The following AGBL1 variants were observed in gnomAD, a reference collection of about 807,000 sequenced individuals.
AGBL1 encodes AGBL carboxypeptidase 1, also known as cytosolic carboxypeptidase 4.
In AGBL1, 130 loss-of-function variants were observed where a neutral mutation model predicts 118.9. That is an observed-to-expected ratio of 1.09 (90% CI 0.95 to 1.26). The LOEUF (loss-of-function observed/expected upper bound fraction) is 1.26. AGBL1 is among the 50% of genes most tolerant of loss of function. The probability of loss-of-function intolerance (pLI) is 0.00; values close to 1 mark genes in which losing one functional copy is unlikely to be tolerated. For synonymous variants in AGBL1, 555 were observed against 478.9 expected, an observed-to-expected ratio of 1.16 and a Z score of -2.08; for missense variants, 1,584 against 1,298.1, an observed-to-expected ratio of 1.22 and a Z score of -3.38.
At chr15:86,106,720 C>G (rs1203013014) in intron 1 of AGBL1, among the ~76,000 whole-genome samples, 1 of 152,206 alleles carries the variant, frequency 6.6e-6, no homozygotes, top group East Asian at 1.9e-4. Context: ...TGGGCTGAAA[C>G]TTAAAATGGC....
At chr15:86,771,990 G>C (rs1052373144) in intron 22 of AGBL1, among the ~76,000 whole-genome samples, 8 of 151,900 alleles carry the variant, frequency 5.3e-5, no homozygotes, top group Non-Finnish European at 8.8e-5. Context: ...GCCTGAGAGG[G>C]GCAGAATGTA....
chr15:86,609,280 A>G (rs17626189), intron 21 of AGBL1, among the ~76,000 whole-genome samples: 56,491 of 151,920 alleles, frequency 0.37, 11,105 homozygotes, highest in Middle Eastern at 0.46. Context: ...CACACAAGAA[A>G]ATCAGAAAGG....
chr15:86,595,622 A>G (rs1268940466), intron 21 of AGBL1, among the ~76,000 whole-genome samples: 1 of 151,992 alleles, frequency 6.6e-6, no homozygotes, highest in Non-Finnish European at 1.5e-5. Flanking sequence ...AGGGACCATC[A>G]CCTCTTTCTT....
chr15:86,397,457 C>A lies in AGBL1; in HGVS notation c.2466C>A (p.Val822=), dbSNP rs1329411965. The A allele has an allele frequency of 3.7e-6, 6 of 1,613,140 alleles. No individual in the cohort carries two copies. The highest frequency in any genetic ancestry group is 5.1e-6 in the Non-Finnish European group (6 of 1,179,392). Residue 822 remains valine, a synonymous_variant, in exon 18 of 23, where the codon GTC becomes GTA. Transcript: ENST00000614907. ...TGAAGGGTACCTTGGAGTTCCTGGT[C>A]AGCAGTGACCCTGTGGCTAGGCTCT... ...WVMKGTLEFL[V]SSDPVARLLR... is the part of the protein sequence containing the mutation.
rs765286734 is a variant in AGBL1, at chr15:86,257,155, T to C, written c.901+137T>C. The C allele has an allele frequency of 7.3e-5, 74 of 1,008,238 alleles. No homozygotes were observed. The Middle Eastern group carries it at 1.3e-3, about 18-fold the overall frequency. The allele number at this position is 1,008,238 out of a possible 1,614,324, so 62.5% of individuals were successfully genotyped here. ...GTCTATTAAGCTAATTAGAGACATA[T>C]ATGAAAAAGCAGTTTTGATTTTCAT... On this transcript the variant is annotated intron_variant, in intron 8 of 22. Coordinates refer to ENST00000614907, the MANE Select transcript of AGBL1 (RefSeq NM_001386094.1).
At chr15:86,751,962 C>T (rs771128148) in intron 22 of AGBL1, among the ~76,000 whole-genome samples, 58 of 152,202 alleles carry the variant, frequency 3.8e-4, no homozygotes, top group Non-Finnish European at 6.3e-4. Flanking sequence ...TATTTACAAA[C>T]CACCCTCAAT....
intron 18 of AGBL1, among the ~76,000 whole-genome samples, chr15:86,498,903 C>T (rs968778963): frequency 2.0e-5 from 3 of 151,864 alleles, no homozygotes; most frequent in African/African-American, 7.2e-5. Flanking sequence ...TTACTCTTCT[C>T]CTAAGGAATA....
At chr15:86,218,299 A>G (rs1042269387) in intron 5 of AGBL1, among the ~76,000 whole-genome samples, 1 of 152,158 alleles carries the variant, frequency 6.6e-6, no homozygotes, top group African/African-American at 2.4e-5. Context: ...TTAAGGGTGC[A>G]TGTTCAACTT....
chr15:86,288,636 A>T (rs1019907837), intron 16 of AGBL1, among the ~76,000 whole-genome samples: 1 of 152,164 alleles, frequency 6.6e-6, no homozygotes, highest in Non-Finnish European at 1.5e-5. Context: ...AGCTCTATGT[A>T]TGATCAATTA....
chr15:86,543,010 A>G (rs2083526704), intron 19 of AGBL1, among the ~76,000 whole-genome samples: 1 of 152,192 alleles, frequency 6.6e-6, no homozygotes, highest in South Asian at 2.1e-4. Context: ...TTGACCATTT[A>G]CAATAAGTAA....
chr15:86,120,964 T>G (rs1898060913), intron 1 of AGBL1, among the ~76,000 whole-genome samples: 1 of 151,894 alleles, frequency 6.6e-6, no homozygotes, highest in Non-Finnish European at 1.5e-5. Flanking sequence ...TGGCATGATC[T>G]CAACTCACTG....
At chr15:86,943,582 C>G (rs1365472954) in intron 23 of AGBL1, among the ~76,000 whole-genome samples, 1 of 152,154 alleles carries the variant, frequency 6.6e-6, no homozygotes, top group African/African-American at 2.4e-5. Flanking sequence ...CTGGCCACCC[C>G]ACCCTAATCT....
Position 86,527,057 on chromosome 15 carries a change from CCTT to C in AGBL1, c.2685+4121_2685+4123del, listed in dbSNP as rs148230954. 1.3e-3 allele frequency among the ~76,000 whole-genome samples: 205 copies of C among 152,286 alleles called. 1 individual carries two copies. The highest frequency in any genetic ancestry group is 4.6e-3 in the African/African-American group (193 of 41,568). On this transcript the variant is annotated intron_variant, in intron 19 of 22. Coordinates refer to ENST00000614907, the MANE Select transcript of AGBL1 (RefSeq NM_001386094.1). The stretch of plus-strand genomic sequence containing the variant: ...AAAATGTACAATCTTTTCATTCTGA[CCTT>C]CTCCCTCCTGCAATCTTAGAAGGCA...
chr15:86,508,108 G>C lies in AGBL1; in HGVS notation c.2556-14702G>C, dbSNP rs138474388. On this transcript the variant is annotated intron_variant, in intron 18 of 22. Coordinates refer to ENST00000614907, the MANE Select transcript of AGBL1 (RefSeq NM_001386094.1). ...GCTAATTTTTTTTGTATTTTTAGTA[G>C]AGAAGGGGTTTCACCATGTTGGCCA... Among the ~76,000 whole-genome samples the C allele has an allele frequency of 6.1e-3, 922 of 150,328 alleles. 14 individuals are homozygous for C. The highest frequency in any genetic ancestry group is 0.021 in the African/African-American group (840 of 40,812).
In AGBL1 at chr15:86,826,906, A is replaced by C. The variant is rs575448395; in HGVS notation, c.3159-80181A>C. Among the ~76,000 whole-genome samples the C allele has an allele frequency of 4.7e-4, 71 of 152,136 alleles. 1 individual carries two copies. Among genetic ancestry groups the C allele is most frequent in the Admixed American group, 1.9e-3 (29 of 15,258 alleles). On this transcript the variant is annotated intron_variant, in intron 22 of 22. Transcript: ENST00000614907. ...CAGACAAGGAGAATATGCCTGACATAATTATTATAATGGGTAAGAACACTG... is the reference window on the plus strand; with the variant it reads ...CAGACAAGGAGAATATGCCTGACATCATTATTATAATGGGTAAGAACACTG...
At chr15:86,234,312 G>A (rs2078502669) in intron 6 of AGBL1, among the ~76,000 whole-genome samples, 2 of 152,008 alleles carry the variant, frequency 1.3e-5, no homozygotes, top group South Asian at 4.1e-4. Flanking sequence ...CAGCACTTTG[G>A]GAGGCCAAGG....
At chr15:86,774,019 A>C (rs1015456226) in intron 22 of AGBL1, among the ~76,000 whole-genome samples, 6 of 152,192 alleles carry the variant, frequency 3.9e-5, no homozygotes, top group African/African-American at 1.4e-4. Flanking sequence ...CACATTCAGA[A>C]GTATTTGTCT....
chr15:86,748,721 T>C (rs1442050183), intron 22 of AGBL1, among the ~76,000 whole-genome samples: 1 of 151,900 alleles, frequency 6.6e-6, no homozygotes, highest in East Asian at 1.9e-4. Context: ...TTCAGCTTTC[T>C]ACATATGGCT....
intron 9 of AGBL1, among the ~76,000 whole-genome samples, chr15:86,262,331 C>G (rs1438839248): frequency 1.3e-5 from 2 of 151,980 alleles, no homozygotes; most frequent in Non-Finnish European, 2.9e-5. Flanking sequence ...TCCATTGTGA[C>G]CGAAACTTCA....
Sources: allele counts gnomAD v4.1 joint callset (sites outside exome capture counted in the v4.1 genomes callset), GRCh38; gene constraint gnomAD v4.1.1; transcripts MANE v1.5; gene names NCBI Gene and HGNC (gene_info 2026-07-23, HGNC 2026-07-21).